TRDN: variants seen among roughly 807,000 people sequenced by gnomAD.
TRDN encodes triadin, also known as triadin in skeletal muscle.
In TRDN, 161 loss-of-function variants were observed where a neutral mutation model predicts 149.7. The ratio of observed to expected loss-of-function variants is 1.08; its 90% confidence interval spans 0.95 to 1.23. TRDN has a LOEUF of 1.23. Among genes scored for constraint, TRDN ranks in the 50% most tolerant of loss-of-function variants. TRDN has a pLI of 0.00. For missense variants in TRDN, 896 were observed against 823.5 expected (o/e 1.09, Z -1.08); for synonymous variants, 294 against 250.5 (o/e 1.17, Z -1.64).
chr6:123,500,509 C>T (rs978273000), intron 8 of TRDN, among the ~76,000 whole-genome samples: 2 of 152,066 alleles, frequency 1.3e-5, no homozygotes, highest in African/African-American at 4.8e-5. Context: ...AAATTTTTCA[C>T]AAAGAAAATC....
chr6:123,539,185 C>T (rs1320888326), intron 4 of TRDN, among the ~76,000 whole-genome samples: 1 of 152,148 alleles, frequency 6.6e-6, no homozygotes, highest in African/African-American at 2.4e-5. Context: ...ATTTCAGAAC[C>T]ACAGTCCAAA....
At chr6:123,428,438 G>A (rs563229853) in intron 12 of TRDN, among the ~76,000 whole-genome samples, 14 of 152,266 alleles carry the variant, frequency 9.2e-5, no homozygotes, top group Non-Finnish European at 1.5e-4. Flanking sequence ...CCAATCCCAA[G>A]GGAGTAGAGT....
intron 38 of TRDN, among the ~76,000 whole-genome samples, chr6:123,249,507 T>C (rs766098933): frequency 6.6e-6 from 1 of 152,042 alleles, no homozygotes; most frequent in Non-Finnish European, 1.5e-5. Flanking sequence ...CTATTCACAA[T>C]AGCAAAGTCA....
intron 24 of TRDN, among the ~76,000 whole-genome samples, chr6:123,299,705 CTATTA>C (rs1425323155): frequency 3.3e-5 from 5 of 151,692 alleles, no homozygotes; most frequent in African/African-American, 9.7e-5. Flanking sequence ...TACATAAATT[CTATTA>C]TATTAATCCA....
At chr6:123,526,765 C>T (rs946986639) in intron 5 of TRDN, among the ~76,000 whole-genome samples, 10 of 151,848 alleles carry the variant, frequency 6.6e-5, no homozygotes, top group African/African-American at 2.4e-4. Flanking sequence ...AGGGTTGTTA[C>T]AGGAACTTGG....
Position 123,516,138 on chromosome 6 carries a change from T to C in TRDN, c.550+3A>G. On this transcript the variant is annotated splice_donor_region_variant and intron_variant, in intron 6 of 40. Coordinates refer to ENST00000334268, the MANE Select transcript of TRDN (RefSeq NM_006073.4). Reference sequence around the variant, plus strand: ...TTAAACAGTAATAAAAGTAACTTCATACCTTTCTTTTCAGGTTTTTCTTTT... The same window carrying C: ...TTAAACAGTAATAAAAGTAACTTCACACCTTTCTTTTCAGGTTTTTCTTTT... 2.0e-6 allele frequency: 3 copies of C among 1,489,314 alleles called. No individual in the cohort carries two copies. The highest frequency in any genetic ancestry group is 2.7e-6 in the Non-Finnish European group (3 of 1,108,052). 92.3% of individuals were successfully genotyped at this position (1,489,314 alleles called of 1,614,324 possible).
rs1736910568 is a variant in TRDN at position 123,381,371 on chromosome 6, T to G, written c.1185A>C (p.Lys395Asn). ...AATACACTGCATGCATTTCCTTACTTTTTCCCTTGGGTTGTTCTACTGAAA... is the reference window on the plus strand; with the variant it reads ...AATACACTGCATGCATTTCCTTACTGTTTCCCTTGGGTTGTTCTACTGAAA... Reference protein sequence around the residue: ...KPAEVEQPKGKKQEKKEKHVE... With the variant: ...KPAEVEQPKGNKQEKKEKHVE... The change falls in exon 16 of 41, where the codon AAA becomes AAC. Residue 395 changes from lysine to asparagine, a missense_variant and splice_region_variant. Lys to Asn is a moderately conservative substitution (Grantham distance 94). Transcript: ENST00000334268. 1.3e-6 allele frequency: 2 copies of G among 1,557,388 alleles called. No individual in the cohort carries two copies. Among genetic ancestry groups the G allele is most frequent in the Non-Finnish European group, 1.7e-6 (2 of 1,149,510 alleles).
At chr6:123,299,519 A>G (rs1420840028) in intron 24 of TRDN, among the ~76,000 whole-genome samples, 1 of 152,038 alleles carries the variant, frequency 6.6e-6, no homozygotes, top group African/African-American at 2.4e-5. Context: ...GTTTTGGGTT[A>G]TTGAGTGTCA....
At chr6:123,426,882 C>T (rs979217418) in intron 12 of TRDN, among the ~76,000 whole-genome samples, 3 of 152,032 alleles carry the variant, frequency 2.0e-5, no homozygotes, top group Admixed American at 6.6e-5. Context: ...CTCCTCAAGG[C>T]TCCTTTAACT....
At chr6:123,402,255 A>T (rs2114488423) in intron 12 of TRDN, among the ~76,000 whole-genome samples, 1 of 152,318 alleles carries the variant, frequency 6.6e-6, no homozygotes, top group Non-Finnish European at 1.5e-5. Context: ...AGTCTCAGTC[A>T]ATCACAAACA....
chr6:123,555,345 A>C (rs1781590574), intron 2 of TRDN, among the ~76,000 whole-genome samples: 1 of 152,036 alleles, frequency 6.6e-6, no homozygotes, highest in Admixed American at 6.6e-5. Flanking sequence ...GTTTTATTTC[A>C]AATTGAAAGT....
chr6:123,528,212 A>C (rs12206249), intron 5 of TRDN, among the ~76,000 whole-genome samples: 85,719 of 151,262 alleles, frequency 0.57, 25,149 homozygotes, highest in Non-Finnish European at 0.65. Context: ...AATTAGTTAG[A>C]ATATTAATAT....
chr6:123,517,549 T>G (rs1015293922), intron 5 of TRDN, among the ~76,000 whole-genome samples: 6 of 152,126 alleles, frequency 3.9e-5, no homozygotes, highest in African/African-American at 1.4e-4. Flanking sequence ...ACTGCTCTAG[T>G]GATCTGACAT....
chr6:123,263,549 G>A (rs946700256), intron 33 of TRDN, among the ~76,000 whole-genome samples: 5 of 152,038 alleles, frequency 3.3e-5, no homozygotes, highest in Non-Finnish European at 7.4e-5. Context: ...AGGATCACTT[G>A]AGCCCAGGAG....
chr6:123,511,278 T>A (rs1193942994), intron 7 of TRDN, among the ~76,000 whole-genome samples: 4 of 152,154 alleles, frequency 2.6e-5, no homozygotes, highest in Non-Finnish European at 4.4e-5. Context: ...CAAAATAGAA[T>A]GACTATAGTT....
At chr6:123,330,931 A>T (rs1297460407) in intron 23 of TRDN, among the ~76,000 whole-genome samples, 1 of 152,042 alleles carries the variant, frequency 6.6e-6, no homozygotes, top group Non-Finnish European at 1.5e-5. Flanking sequence ...TCAATAAAAA[A>T]ATCCCAGTAA....
chr6:123,568,968 T>C (rs1408247592), intron 2 of TRDN, among the ~76,000 whole-genome samples: 2 of 152,238 alleles, frequency 1.3e-5, no homozygotes, highest in Non-Finnish European at 2.9e-5. Flanking sequence ...CTTTGTCACA[T>C]GGCTAGGCTG....
At chr6:123,418,046 G>A (rs1773728805) in intron 12 of TRDN, among the ~76,000 whole-genome samples, 1 of 152,090 alleles carries the variant, frequency 6.6e-6, no homozygotes, top group Non-Finnish European at 1.5e-5. Flanking sequence ...TACTCATCCA[G>A]GACTGGGTAA....
chr6:123,396,439 A>C (rs1772736892), intron 12 of TRDN, among the ~76,000 whole-genome samples: 1 of 152,228 alleles, frequency 6.6e-6, no homozygotes, highest in South Asian at 2.1e-4. Context: ...TTTTGGAAAT[A>C]AAGTACAATG....
Sources: allele counts gnomAD v4.1 joint callset (sites outside exome capture counted in the v4.1 genomes callset), GRCh38; gene constraint gnomAD v4.1.1; transcripts MANE v1.5; gene names NCBI Gene and HGNC (gene_info 2026-07-23, HGNC 2026-07-21).